The following MAGI2 variants were observed in gnomAD, a reference collection of about 807,000 sequenced individuals.
The protein encoded by MAGI2 is membrane associated guanylate kinase, WW and PDZ domain containing 2.
A neutral mutation model predicts 133.3 loss-of-function variants in MAGI2; 35 were observed. That is an observed-to-expected ratio of 0.26 (90% confidence interval 0.20 to 0.35). MAGI2 has a LOEUF of 0.35. Among genes scored for constraint, MAGI2 ranks in the 10% least tolerant of loss-of-function variants. MAGI2 has a pLI of 1.00. For missense variants in MAGI2, 1,636 were observed against 1,863.4 expected (o/e 0.88, Z 2.25); for synonymous variants, 729 against 710.6 (o/e 1.03, Z -0.41).
intron 6 of MAGI2, among the ~76,000 whole-genome samples, chr7:78,388,909 G>A (rs12540684): frequency 0.82 from 124,650 of 152,158 alleles, 51,183 homozygotes; most frequent in Admixed American, 0.85. Flanking sequence ...TAAGATAATA[G>A]TGATATTTTC....
intron 1 of MAGI2, among the ~76,000 whole-genome samples, chr7:79,445,686 G>A (rs1299890348): frequency 6.6e-6 from 1 of 152,144 alleles, no homozygotes; most frequent in South Asian, 2.1e-4. Context: ...GAGAGGATGT[G>A]GAGAAACAGG....
chr7:79,398,404 A>T (rs897937336), intron 1 of MAGI2, among the ~76,000 whole-genome samples: 1 of 152,204 alleles, frequency 6.6e-6, no homozygotes, highest in African/African-American at 2.4e-5. Flanking sequence ...GAAGGCTGTC[A>T]TCTTCTCATA....
chr7:79,247,470 A>T (rs1832907679), intron 1 of MAGI2, among the ~76,000 whole-genome samples: 1 of 152,032 alleles, frequency 6.6e-6, no homozygotes, highest in African/African-American at 2.4e-5. Context: ...AAAATTCGCC[A>T]TGCATGGTGG....
chr7:78,949,305 A>G (rs1418818411), intron 2 of MAGI2, among the ~76,000 whole-genome samples: 1 of 152,154 alleles, frequency 6.6e-6, no homozygotes, highest in East Asian at 1.9e-4. Context: ...TTGCTGTTTT[A>G]TTTTGTATTT....
At chr7:78,028,872 A>G (rs1264125213) in intron 21 of MAGI2, among the ~76,000 whole-genome samples, 2 of 148,586 alleles carry the variant, frequency 1.3e-5, no homozygotes, top group African/African-American at 5.0e-5. Context: ...AAAAAAAAGA[A>G]CTATGTTGCT....
intron 1 of MAGI2, among the ~76,000 whole-genome samples, chr7:79,220,608 A>G (rs1830374042): frequency 1.3e-5 from 2 of 151,980 alleles, no homozygotes. Context: ...TATGAACTGG[A>G]GGAATAACAG....
At chr7:78,604,721 T>C (rs1805616016) in intron 3 of MAGI2, among the ~76,000 whole-genome samples, 1 of 152,204 alleles carries the variant, frequency 6.6e-6, no homozygotes, top group Non-Finnish European at 1.5e-5. Flanking sequence ...CACCCGGAAG[T>C]ATAAGAAATG....
chr7:78,119,875 A>G (rs193073848), intron 20 of MAGI2, among the ~76,000 whole-genome samples: 14 of 152,352 alleles, frequency 9.2e-5, no homozygotes, highest in African/African-American at 3.1e-4. Context: ...AAGATTTAAA[A>G]ATACTGTATT....
At chr7:78,024,976 A>T (rs1040000839) in intron 21 of MAGI2, among the ~76,000 whole-genome samples, 3 of 152,200 alleles carry the variant, frequency 2.0e-5, no homozygotes, top group Non-Finnish European at 4.4e-5. Context: ...TTGAGACATA[A>T]ATTAGATCAT....
intron 9 of MAGI2, among the ~76,000 whole-genome samples, chr7:78,310,482 G>A (rs956028401): frequency 6.6e-6 from 1 of 151,978 alleles, no homozygotes. Context: ...TGCTATTCTC[G>A]GTTATTTAAT....
chr7:79,310,172 AAAAAAAAAAAAAAAAAAAAAAAAG>A (rs1291733159), intron 1 of MAGI2, among the ~76,000 whole-genome samples: 4 of 133,684 alleles, frequency 3.0e-5, no homozygotes, highest in Non-Finnish European at 6.2e-5. Flanking sequence ...CAAAAAAAAA[AAAAAAAAAAAAAAAAAAAAAAAAG>A]AGAGAGAGAG....
At chr7:78,699,481 G>C (rs1229237546) in intron 2 of MAGI2, among the ~76,000 whole-genome samples, 2 of 152,074 alleles carry the variant, frequency 1.3e-5, no homozygotes, top group East Asian at 3.9e-4. Context: ...GTGTATATAA[G>C]ACAAATAAAT....
intron 9 of MAGI2, among the ~76,000 whole-genome samples, chr7:78,273,991 G>C (rs1372620601): frequency 1.3e-5 from 2 of 152,138 alleles, no homozygotes. Context: ...GCGAGGAGTT[G>C]TGATCCTTTG....
chr7:78,838,861 A>C (rs1037685990), intron 2 of MAGI2, among the ~76,000 whole-genome samples: 2 of 152,098 alleles, frequency 1.3e-5, no homozygotes, highest in Non-Finnish European at 2.9e-5. Context: ...TAACTAAGCA[A>C]GAGTGATTTA....
At chr7:79,111,784 A>T (rs963080677) in intron 1 of MAGI2, among the ~76,000 whole-genome samples, 12 of 152,032 alleles carry the variant, frequency 7.9e-5, no homozygotes, top group South Asian at 6.2e-4. Flanking sequence ...CTCCTGCCTC[A>T]GCCTCCCAAG....
intron 5 of MAGI2, among the ~76,000 whole-genome samples, chr7:78,491,880 TGTGTG>T (rs1179994197): frequency 3.6e-5 from 2 of 55,770 alleles, no homozygotes; most frequent in African/African-American, 1.9e-4. Context: ...ATTGTGTGTG[TGTGTG>T]TGTGTGTGTG....
chr7:78,073,800 A>G (rs1404582910), intron 21 of MAGI2, among the ~76,000 whole-genome samples: 1 of 152,222 alleles, frequency 6.6e-6, no homozygotes, highest in Non-Finnish European at 1.5e-5. Flanking sequence ...CATGATGCAT[A>G]CTTCCTTTTC....
At chr7:78,059,152 T>G (rs1473923227) in intron 21 of MAGI2, among the ~76,000 whole-genome samples, 1 of 152,166 alleles carries the variant, frequency 6.6e-6, no homozygotes, top group East Asian at 1.9e-4. Context: ...CTTCTCATCA[T>G]ATTGACCTGG....
chr7:78,051,087 T>C (rs1184359590), intron 21 of MAGI2, among the ~76,000 whole-genome samples: 1 of 152,262 alleles, frequency 6.6e-6, no homozygotes, highest in Admixed American at 6.5e-5. Flanking sequence ...AGGTCAGTTC[T>C]GTCACTAGCA....
Sources: gnomAD v4.1 joint callset for allele counts (sites outside exome capture counted in the v4.1 genomes callset) on GRCh38, gnomAD v4.1.1 for gene constraint, MANE v1.5 for transcripts, NCBI Gene and HGNC (gene_info 2026-07-23, HGNC 2026-07-21) for gene names.